The following RABGAP1 variants were observed in gnomAD, a reference collection of about 807,000 sequenced individuals.
RABGAP1 encodes the protein rab GTPase-activating protein 1.
In RABGAP1, 23 loss-of-function variants were observed where a neutral mutation model predicts 137.6. The ratio of observed to expected loss-of-function variants is 0.17; its 90% confidence interval spans 0.12 to 0.24. The LOEUF is 0.24. Among genes scored for constraint, RABGAP1 ranks in the 10% least tolerant of loss-of-function variants. The pLI, the probability that RABGAP1 is intolerant of heterozygous loss-of-function variation, is 1.00. For missense variants in RABGAP1, 906 were observed against 1,275.8 expected, an observed-to-expected ratio of 0.71 and a Z score of 4.42; for synonymous variants, 451 against 450.7, an observed-to-expected ratio of 1.00 and a Z score of -0.01.
In RABGAP1 at chr9:122,991,030, T is replaced by C. The variant is rs559888101; in HGVS notation, c.923+817T>C. On this transcript the variant is annotated intron_variant, in intron 6 of 25. Transcript: ENST00000373647. ...TCTGTGTCTGAAGTCTAATCTTTTG[T>C]AGGGTTAGAAGTGACTGATTTTAAT... Among the ~76,000 whole-genome samples, 11 of 151,442 alleles carry C rather than the reference T, an allele frequency of 7.3e-5. No homozygotes were observed. The South Asian group carries it at 2.3e-3, about 32-fold the overall frequency.
At chr9:123,080,738 G>A (rs1477556529) in intron 19 of RABGAP1, among the ~76,000 whole-genome samples, 1 of 152,100 alleles carries the variant, frequency 6.6e-6, no homozygotes, top group Non-Finnish European at 1.5e-5. Context: ...AGCTTGTTTG[G>A]AAACAAGCTT....
chr9:122,984,440 C>A (rs756301508), intron 2 of RABGAP1, 45 bp from the exon 3 acceptor site: 6 of 1,520,678 alleles, frequency 3.9e-6, no homozygotes, highest in Non-Finnish European at 5.4e-6. Context: ...TCAATACTGG[C>A]CAATCTTTGT....
chr9:122,948,338 A>T (rs899227365), intron 1 of RABGAP1, among the ~76,000 whole-genome samples: 2 of 152,104 alleles, frequency 1.3e-5, no homozygotes, highest in Non-Finnish European at 2.9e-5. Flanking sequence ...ATCGAGAGGG[A>T]GAGAGATGCA....
rs1233452210 is a variant in RABGAP1 at position 123,070,529 on chromosome 9, G to C, written c.1983+105G>C. On this transcript the variant is annotated intron_variant, in intron 15 of 25. Transcript: ENST00000373647. This position sits in a 1 kb window ranked among gnomAD's most constrained non-coding sequence, Gnocchi z 4.4. Reference sequence around the variant, plus strand: ...ATATTGGGTTTGGACAGACTCTTAAGGCATGAATTTTAACACCTATAGCTG... The same window carrying C: ...ATATTGGGTTTGGACAGACTCTTAACGCATGAATTTTAACACCTATAGCTG... 1.3e-6 allele frequency: 2 copies of C among 1,522,952 alleles called. No homozygotes were observed. The highest frequency in any genetic ancestry group is 2.8e-5 in the African/African-American group (2 of 71,480). 94.3% of individuals were successfully genotyped at this position (1,522,952 alleles called of 1,614,324 possible).
intron 15 of RABGAP1, among the ~76,000 whole-genome samples, chr9:123,072,792 CCAT>C (rs1351857811): frequency 1.3e-5 from 2 of 152,210 alleles, no homozygotes; most frequent in Non-Finnish European, 1.5e-5. Flanking sequence ...CAGCCCGCCT[CCAT>C]CATCTTGTTC....
At position 123,103,297 on chromosome 9, in the gene RABGAP1, G is replaced by C. The variant is rs1287449136; in HGVS notation, c.*84G>C. 1 of 1,571,176 alleles carries C rather than the reference G, an allele frequency of 6.4e-7. No homozygotes were observed. The highest frequency in any genetic ancestry group is 8.6e-7 in the Non-Finnish European group (1 of 1,157,944). The stretch of plus-strand genomic sequence containing the variant: ...GGCCAGATGTGTGATTCTGTGACTT[G>C]TCCCAGGACCAGAATGTACCTAAGT... On this transcript the variant is annotated 3_prime_UTR_variant, in exon 26 of 26. Transcript: ENST00000373647.
At chr9:122,944,091 C>T (rs1833784937) in intron 1 of RABGAP1, among the ~76,000 whole-genome samples, 1 of 152,146 alleles carries the variant, frequency 6.6e-6, no homozygotes, top group Non-Finnish European at 1.5e-5. Flanking sequence ...TAAATTGGTG[C>T]TACAGGTGAG....
chr9:122,991,988 AT>A (rs1836747613), intron 6 of RABGAP1, among the ~76,000 whole-genome samples: 1 of 152,022 alleles, frequency 6.6e-6, no homozygotes, highest in South Asian at 2.1e-4. Flanking sequence ...AATCTGTATA[AT>A]TTTAAGTAGT....
chr9:123,049,579 T>G (rs1336982967), intron 13 of RABGAP1, among the ~76,000 whole-genome samples: 1 of 152,250 alleles, frequency 6.6e-6, no homozygotes, highest in African/African-American at 2.4e-5. Context: ...TTGTATCACT[T>G]ATGTTTCAAG....
At chr9:122,985,590 C>T (rs796558920) in intron 3 of RABGAP1, among the ~76,000 whole-genome samples, 4 of 123,144 alleles carry the variant, frequency 3.2e-5, no homozygotes, top group African/African-American at 1.2e-4. Context: ...TTCAGCCTGG[C>T]GACAGAGCGA....
intron 24 of RABGAP1, among the ~76,000 whole-genome samples, chr9:123,100,647 C>T (rs2035318352): frequency 6.6e-6 from 1 of 152,176 alleles, no homozygotes; most frequent in Non-Finnish European, 1.5e-5. Flanking sequence ...TCTCGAACTC[C>T]TGAGCTCGTG....
At chr9:123,020,851 A>G (rs1001240531) in intron 13 of RABGAP1, 3 of 831,402 alleles carry the variant, frequency 3.6e-6, no homozygotes, top group Admixed American at 6.2e-5. Flanking sequence ...CTGCAACTGT[A>G]AGAAAATAAT....
upstream of RABGAP1, chr9:122,939,708 C>T (rs1833460386): frequency 6.6e-6 from 1 of 152,108 alleles, no homozygotes. Context: ...TTTACTTTCT[C>T]CCTAATACTT....
Position 122,992,256 on chromosome 9 carries a change from C to T in RABGAP1, c.923+2043C>T, listed in dbSNP as rs138275217. Among the ~76,000 whole-genome samples, 1,340 of 152,210 alleles carry T rather than the reference C, an allele frequency of 8.8e-3. 15 individuals carry two copies. Among genetic ancestry groups the T allele is most frequent in the African/African-American group, 0.03 (1,266 of 41,524 alleles). On this transcript the variant is annotated intron_variant, in intron 6 of 25. Transcript: ENST00000373647. ...GTTTCGCCGTGTTGGCCAGGCTGGT[C>T]TCAAACTCCCGGCCTCAAGTGATCC...
At chr9:122,998,542 CA>C (rs1462116927) in intron 9 of RABGAP1, 54 bp from the exon 10 acceptor site, 27 of 1,281,128 alleles carry the variant, frequency 2.1e-5, no homozygotes, top group Non-Finnish European at 2.1e-5. Flanking sequence ...ATCTTATGAG[CA>C]AATATATTTG....
intron 2 of RABGAP1, among the ~76,000 whole-genome samples, chr9:122,974,470 A>G (rs1835661537): frequency 6.8e-6 from 1 of 146,650 alleles, no homozygotes; most frequent in African/African-American, 2.6e-5. Flanking sequence ...TTGATATAGA[A>G]AACCAGGCAG....
At chr9:122,995,796 T>G (rs1203631976) in intron 6 of RABGAP1, among the ~76,000 whole-genome samples, 1 of 152,188 alleles carries the variant, frequency 6.6e-6, no homozygotes, top group Admixed American at 6.5e-5. Context: ...CTCGAACTCC[T>G]GACCTCAAGT....
chr9:123,067,269 C>T (rs1208944813), intron 14 of RABGAP1, among the ~76,000 whole-genome samples: 1 of 152,140 alleles, frequency 6.6e-6, no homozygotes, highest in Non-Finnish European at 1.5e-5. Context: ...TGACTGATGT[C>T]TCTCTTAGCT....
upstream of RABGAP1, among the ~76,000 whole-genome samples, chr9:122,936,453 C>T (rs1833388659): frequency 6.6e-6 from 1 of 152,174 alleles, no homozygotes; most frequent in Admixed American, 6.5e-5. Flanking sequence ...CGAATGCTTA[C>T]ATCTTCCAAG....
Sources: allele counts gnomAD v4.1 joint callset (sites outside exome capture counted in the v4.1 genomes callset), GRCh38; gene constraint gnomAD v4.1.1; non-coding constraint Gnocchi (gnomAD v3.1); transcripts MANE v1.5; gene names NCBI Gene and HGNC (gene_info 2026-07-23, HGNC 2026-07-21).